EBF1: variants seen among roughly 807,000 people sequenced by gnomAD.
EBF1 encodes the protein EBF transcription factor 1.
A neutral mutation model predicts 68.4 loss-of-function variants in EBF1; 10 were observed. The observed-to-expected ratio is 0.15, with a 90% CI of 0.09 to 0.25. EBF1 has a LOEUF of 0.25. EBF1 is among the 10% of genes least tolerant of loss of function. EBF1 has a pLI of 1.00. For synonymous variants in EBF1, 298 were observed against 299.8 expected (o/e 0.99, Z 0.06); for missense variants, 509 against 794.4 (o/e 0.64, Z 4.32).
intron 6 of EBF1, among the ~76,000 whole-genome samples, chr5:158,923,026 A>T (rs1428360136): frequency 6.6e-6 from 1 of 152,234 alleles, no homozygotes; most frequent in Non-Finnish European, 1.5e-5. Flanking sequence ...TAGGTGGTCT[A>T]TTAGCAGGAG....
intron 9 of EBF1, among the ~76,000 whole-genome samples, chr5:158,778,256 T>C (rs994901076): frequency 6.6e-6 from 1 of 152,160 alleles, no homozygotes; most frequent in Non-Finnish European, 1.5e-5. Context: ...GCAGAATTTA[T>C]TTTGTATTAC....
intron 7 of EBF1, among the ~76,000 whole-genome samples, chr5:158,828,826 T>A (rs182217688): frequency 3.3e-5 from 5 of 152,240 alleles, no homozygotes; most frequent in South Asian, 4.2e-4. Flanking sequence ...AAACTGGTAA[T>A]CCATATAATA....
intron 10 of EBF1, among the ~76,000 whole-genome samples, chr5:158,763,135 C>T (rs1771866058): frequency 6.6e-6 from 1 of 152,162 alleles, no homozygotes; most frequent in East Asian, 1.9e-4. Flanking sequence ...AAGGCATTTA[C>T]ATCTTATCTC....
intron 6 of EBF1, among the ~76,000 whole-genome samples, chr5:158,896,215 G>A (rs1802154138): frequency 6.6e-6 from 1 of 152,182 alleles, no homozygotes; most frequent in Admixed American, 6.6e-5. Flanking sequence ...ACCATTCGAT[G>A]TGGAGAACGG....
At chr5:158,895,717 C>T (rs1802043081) in intron 6 of EBF1, among the ~76,000 whole-genome samples, 1 of 152,170 alleles carries the variant, frequency 6.6e-6, no homozygotes, top group Admixed American at 6.5e-5. Context: ...ATTCTGAAGC[C>T]TGGTAGCCTG....
intron 6 of EBF1, among the ~76,000 whole-genome samples, chr5:158,870,269 A>G (rs1351150419): frequency 1.3e-5 from 2 of 152,216 alleles, no homozygotes; most frequent in African/African-American, 4.8e-5. Flanking sequence ...CACCATTACT[A>G]GATGTCATAA....
chr5:158,915,129 G>C (rs1485803849), intron 6 of EBF1, among the ~76,000 whole-genome samples: 1 of 152,154 alleles, frequency 6.6e-6, no homozygotes, highest in Admixed American at 6.5e-5. Context: ...GGCTCTACCG[G>C]AGTATTATCC....
intron 6 of EBF1, among the ~76,000 whole-genome samples, chr5:158,852,193 A>T (rs1793080282): frequency 6.6e-6 from 1 of 151,704 alleles, no homozygotes; most frequent in Admixed American, 6.6e-5. Context: ...CATATAGACA[A>T]AAGGGATCAG....
At chr5:158,718,625 C>G (rs1232733146) in intron 11 of EBF1, among the ~76,000 whole-genome samples, 1 of 152,156 alleles carries the variant, frequency 6.6e-6, no homozygotes, top group Non-Finnish European at 1.5e-5. Context: ...GAAACTGACA[C>G]TCAGAGAGGT....
chr5:158,978,575 GT>G (rs1757235532), intron 6 of EBF1, among the ~76,000 whole-genome samples: 1 of 151,892 alleles, frequency 6.6e-6, no homozygotes, highest in African/African-American at 2.4e-5. Flanking sequence ...TATTTGAATA[GT>G]ATGAAATAAA....
intron 5 of EBF1, among the ~76,000 whole-genome samples, chr5:159,078,946 G>A (rs1376131507): frequency 2.0e-5 from 3 of 152,156 alleles, no homozygotes; most frequent in Non-Finnish European, 2.9e-5. Context: ...TCATCTTAGG[G>A]ACATGGAACT....
chr5:159,039,140 G>A (rs747850692), intron 6 of EBF1, among the ~76,000 whole-genome samples: 1 of 152,206 alleles, frequency 6.6e-6, no homozygotes, highest in Non-Finnish European at 1.5e-5. Context: ...TGGCCAAGAT[G>A]CCTGCACGTG....
At chr5:158,892,544 T>G (rs896525521) in intron 6 of EBF1, among the ~76,000 whole-genome samples, 1 of 152,150 alleles carries the variant, frequency 6.6e-6, no homozygotes, top group African/African-American at 2.4e-5. Context: ...ATGACACAAG[T>G]GGAAAATTCC....
chr5:158,763,218 C>CA (rs1207876550), intron 10 of EBF1, among the ~76,000 whole-genome samples: 1 of 152,146 alleles, frequency 6.6e-6, no homozygotes, highest in Non-Finnish European at 1.5e-5. Flanking sequence ...GGAATTTCAC[C>CA]AAAAGTCTCC....
At chr5:158,998,549 G>T (rs1266456033) in intron 6 of EBF1, among the ~76,000 whole-genome samples, 1 of 152,148 alleles carries the variant, frequency 6.6e-6, no homozygotes, top group African/African-American at 2.4e-5. Flanking sequence ...GCAAATGAAT[G>T]CACTAAGTGT....
chr5:159,035,577 C>A (rs953636248), intron 6 of EBF1, among the ~76,000 whole-genome samples: 4 of 152,226 alleles, frequency 2.6e-5, no homozygotes, highest in African/African-American at 4.8e-5. Flanking sequence ...AGTTTTTCTA[C>A]AAACTAGCTG....
chr5:159,084,874 G>T, intron 4 of EBF1, 135 bp from the exon 5 acceptor site: 1 of 597,294 alleles, frequency 1.7e-6, no homozygotes, highest in Non-Finnish European at 2.7e-6. Context: ...GACATCACTG[G>T]GTTGATCGTC....
At chr5:158,861,738 T>C (rs1054629797) in intron 6 of EBF1, among the ~76,000 whole-genome samples, 2 of 152,350 alleles carry the variant, frequency 1.3e-5, no homozygotes, top group Admixed American at 6.5e-5. Flanking sequence ...CCTTGCCTTT[T>C]CTTTGGTTAT....
chr5:158,898,446 T>C (rs1403158734), intron 6 of EBF1, among the ~76,000 whole-genome samples: 2 of 152,336 alleles, frequency 1.3e-5, no homozygotes, highest in East Asian at 3.9e-4. Flanking sequence ...GAATCGGAAG[T>C]TCTATCCACC....
Sources: gnomAD v4.1 joint callset for allele counts (sites outside exome capture counted in the v4.1 genomes callset) on GRCh38, gnomAD v4.1.1 for gene constraint, MANE v1.5 for transcripts, NCBI Gene and HGNC (gene_info 2026-07-23, HGNC 2026-07-21) for gene names.